The following AFG2A variants were observed in gnomAD, a reference collection of about 807,000 sequenced individuals.
AFG2A encodes the protein AAA ATPase AFG2A.
At chr4:122,996,623 A>G in the AFG2A span, among the ~76,000 whole-genome samples, 30 of 150,422 alleles carry the variant, frequency 2.0e-4, no homozygotes, top group Non-Finnish European at 1.3e-4. Context: ...ATAGATAGAT[A>G]GGAGAGGAGA....
At chr4:123,188,828 C>T in the AFG2A span, among the ~76,000 whole-genome samples, 12 of 151,916 alleles carry the variant, frequency 7.9e-5, no homozygotes, top group African/African-American at 2.4e-4. Flanking sequence ...TTATTGGGCC[C>T]GAGAATTCTA....
chr4:123,064,652 C>CTAACT, the AFG2A span, among the ~76,000 whole-genome samples: 1 of 152,164 alleles, frequency 6.6e-6, no homozygotes, highest in Non-Finnish European at 1.5e-5. Flanking sequence ...CTCTGACTGA[C>CTAACT]GAAATGAGTA....
chr4:123,174,640 A>G, the AFG2A span, among the ~76,000 whole-genome samples: 2 of 152,134 alleles, frequency 1.3e-5, no homozygotes, highest in East Asian at 3.9e-4. Flanking sequence ...TGGTGGGGAA[A>G]AGGAATGTTG....
chr4:123,136,270 A>T, the AFG2A span, among the ~76,000 whole-genome samples: 6 of 152,192 alleles, frequency 3.9e-5, no homozygotes, highest in African/African-American at 1.4e-4. Context: ...GCGGTGGCTT[A>T]CGCCTATAAT....
the AFG2A span, among the ~76,000 whole-genome samples, chr4:123,006,887 G>A: frequency 1.1e-5 from 1 of 92,298 alleles, no homozygotes; most frequent in African/African-American, 3.5e-5. Context: ...CTGTTTCTTT[G>A]CATGCTTGTT....
chr4:123,015,150 C>T, the AFG2A span, among the ~76,000 whole-genome samples: 448 of 150,216 alleles, frequency 3.0e-3, 2 homozygotes, highest in African/African-American at 9.9e-3. Context: ...TCAGAGTCCT[C>T]GAGTGATTTT....
At chr4:123,134,673 A>G in the AFG2A span, among the ~76,000 whole-genome samples, 1 of 151,804 alleles carries the variant, frequency 6.6e-6, no homozygotes, top group Non-Finnish European at 1.5e-5. Context: ...GTAACCTAGA[A>G]AAATGGATAG....
At chr4:123,174,317 G>A in the AFG2A span, among the ~76,000 whole-genome samples, 7 of 152,118 alleles carry the variant, frequency 4.6e-5, no homozygotes, top group Admixed American at 2.0e-4. Context: ...ACTAAAGGAC[G>A]TAAATGAAAA....
chr4:123,106,371 CA>C, the AFG2A span, among the ~76,000 whole-genome samples: 47 of 151,958 alleles, frequency 3.1e-4, no homozygotes, highest in African/African-American at 9.4e-4. Flanking sequence ...AGCTTTATTG[CA>C]ATATTAGCTT....
chr4:122,964,391 C>G, the AFG2A span, among the ~76,000 whole-genome samples: 6 of 151,590 alleles, frequency 4.0e-5, no homozygotes, highest in African/African-American at 1.2e-4. Context: ...GTAGTCCCAG[C>G]TGCTTGGGAG....
the AFG2A span, among the ~76,000 whole-genome samples, chr4:122,969,052 T>C: frequency 2.0e-5 from 3 of 151,990 alleles, no homozygotes; most frequent in Non-Finnish European, 2.9e-5. Flanking sequence ...AAATATCTTC[T>C]ACTCTGTGGC....
the AFG2A span, among the ~76,000 whole-genome samples, chr4:123,017,030 G>T: frequency 6.6e-6 from 1 of 152,268 alleles, no homozygotes; most frequent in Non-Finnish European, 1.5e-5. Flanking sequence ...GCTGAGGCAG[G>T]AGAATCAGGC....
chr4:123,006,973 A>G, the AFG2A span, among the ~76,000 whole-genome samples: 2 of 149,626 alleles, frequency 1.3e-5, no homozygotes, highest in African/African-American at 2.5e-5. Context: ...GTAAAAGGAA[A>G]CCATGGTCTT....
At chr4:123,206,461 ACT>A in the AFG2A span, among the ~76,000 whole-genome samples, 1 of 152,028 alleles carries the variant, frequency 6.6e-6, no homozygotes, top group African/African-American at 2.4e-5. Flanking sequence ...AGTGCTGCAG[ACT>A]CTGTGTTCTT....
At chr4:122,995,190 A>T in the AFG2A span, among the ~76,000 whole-genome samples, 2 of 152,060 alleles carry the variant, frequency 1.3e-5, no homozygotes, top group Non-Finnish European at 2.9e-5. Flanking sequence ...AGGCTCAAAG[A>T]TTGAGGGTTT....
chr4:123,258,364 G>T, the AFG2A span, among the ~76,000 whole-genome samples: 77,633 of 151,718 alleles, frequency 0.51, 24,446 homozygotes, highest in Non-Finnish European at 0.67. Flanking sequence ...GAGACGTTAA[G>T]TAATGCTTAA....
chr4:123,100,873 C>G, the AFG2A span, among the ~76,000 whole-genome samples: 1 of 151,930 alleles, frequency 6.6e-6, no homozygotes, highest in Non-Finnish European at 1.5e-5. Context: ...CTAAGTTTCT[C>G]CTACTTTTCA....
At chr4:123,212,209 G>T in the AFG2A span, among the ~76,000 whole-genome samples, 3 of 152,146 alleles carry the variant, frequency 2.0e-5, no homozygotes, top group Admixed American at 2.0e-4. Flanking sequence ...TTAACAATCT[G>T]TGGGGTCTGT....
chr4:122,956,224 G>T, the AFG2A span, among the ~76,000 whole-genome samples: 1 of 152,200 alleles, frequency 6.6e-6, no homozygotes, highest in Non-Finnish European at 1.5e-5. Flanking sequence ...AAATACTGTG[G>T]TTAAATAGAA....
Sources: gnomAD v4.1 joint callset for allele counts (sites outside exome capture counted in the v4.1 genomes callset) on GRCh38, gnomAD v4.1.1 for gene constraint, MANE v1.5 for transcripts, NCBI Gene and HGNC (gene_info 2026-07-23, HGNC 2026-07-21) for gene names.